Variants in PACC1 observed in about 807,000 individuals in gnomAD.
PACC1 encodes proton activated chloride channel 1.
In PACC1, 34 loss-of-function variants were observed where a neutral mutation model predicts 39.7. The observed-to-expected ratio is 0.86, with a 90% CI of 0.65 to 1.14. PACC1 has a LOEUF of 1.14. Ranked by LOEUF, PACC1 falls within the 50% of genes most tolerant of loss-of-function variation. PACC1 has a pLI of 0.00. For synonymous variants in PACC1, 127 were observed against 160.6 expected, an observed-to-expected ratio of 0.79 and a Z score of 1.58; for missense variants, 379 against 436.4, an observed-to-expected ratio of 0.87 and a Z score of 1.17.
chr1:212,370,188 C>A (rs1459682768), intron 7 of PACC1, among the ~76,000 whole-genome samples: 2 of 152,204 alleles, frequency 1.3e-5, no homozygotes, highest in African/African-American at 4.8e-5. Context: ...TTCATCTGGC[C>A]AGGTGCGGAG....
intron 4 of PACC1, among the ~76,000 whole-genome samples, chr1:212,385,042 G>A (rs1477454970): frequency 6.6e-6 from 1 of 152,212 alleles, no homozygotes; most frequent in African/African-American, 2.4e-5. Context: ...GCACTGTCAG[G>A]AATCCCTGAG....
chr1:212,413,939 G>A, intron 1 of PACC1: 1 of 1,535,608 alleles, frequency 6.5e-7, no homozygotes, highest in Non-Finnish European at 8.7e-7. Context: ...GCACGATGGA[G>A]GGGCACAGAA....
chr1:212,413,457 A>AT (rs1191970110), intron 1 of PACC1, among the ~76,000 whole-genome samples: 62 of 152,366 alleles, frequency 4.1e-4, no homozygotes, highest in African/African-American at 1.3e-3. Flanking sequence ...GGACAGACAG[A>AT]AATGCAGACG....
intron 1 of PACC1, among the ~76,000 whole-genome samples, chr1:212,411,656 G>C (rs958661653): frequency 1.3e-5 from 2 of 152,166 alleles, no homozygotes; most frequent in African/African-American, 2.4e-5. Context: ...CAAGCACTTT[G>C]TCAGGTTCAC....
At chr1:212,371,106 A>G (rs1660435227) in intron 7 of PACC1, among the ~76,000 whole-genome samples, 1 of 151,918 alleles carries the variant, frequency 6.6e-6, no homozygotes, top group Non-Finnish European at 1.5e-5. Flanking sequence ...TTGGCTGGGC[A>G]TGGTGGCGGG....
At chr1:212,399,851 CTT>C (rs60857237) in intron 2 of PACC1, among the ~76,000 whole-genome samples, 3 of 149,766 alleles carry the variant, frequency 2.0e-5, no homozygotes, top group East Asian at 2.0e-4. Context: ...ACCTGGAAAA[CTT>C]TTTTTTTTGA....
rs369232270 is a variant in PACC1 at position 212,373,409 on chromosome 1, G to T, written c.891+1784C>A. ...ATTATGAAACTAGAAGAAAACACTG[G>T]GATAATGCTTTAGGACACTGGTCTG... On this transcript the variant is annotated intron_variant, in intron 7 of 7. Coordinates refer to ENST00000261455, the MANE Select transcript of PACC1 (RefSeq NM_018252.3). Among the ~76,000 whole-genome samples, 63 of 152,060 alleles carry T rather than the reference G, an allele frequency of 4.1e-4. 1 individual carries two copies. The East Asian group carries it at 9.9e-3, about 24-fold the overall frequency.
At chr1:212,408,884 C>T (rs1019419830) in intron 2 of PACC1, among the ~76,000 whole-genome samples, 2 of 152,184 alleles carry the variant, frequency 1.3e-5, no homozygotes. Context: ...CAGGGGTCCC[C>T]AACCCCCAGG....
chr1:212,373,627 T>C (rs1660539191), intron 7 of PACC1, among the ~76,000 whole-genome samples: 1 of 152,046 alleles, frequency 6.6e-6, no homozygotes. Context: ...CCAGAATATA[T>C]AAGGAACTCA....
chr1:212,405,270 TC>T (rs1278998421), intron 2 of PACC1, among the ~76,000 whole-genome samples: 1 of 152,116 alleles, frequency 6.6e-6, no homozygotes, highest in African/African-American at 2.4e-5. Context: ...GAGTCATACT[TC>T]CATACTACAC....
intron 5 of PACC1, among the ~76,000 whole-genome samples, chr1:212,379,490 C>G (rs141323610): frequency 5.3e-5 from 8 of 152,178 alleles, no homozygotes; most frequent in Non-Finnish European, 8.8e-5. Flanking sequence ...GGCAAACATA[C>G]ATTAAGCCCG....
intron 7 of PACC1, among the ~76,000 whole-genome samples, chr1:212,371,718 CA>C (rs1660466778): frequency 2.6e-5 from 4 of 152,054 alleles, no homozygotes; most frequent in Admixed American, 2.6e-4. Flanking sequence ...GACAAAGACA[CA>C]ACAAAAAATG....
At chr1:212,393,939 T>C (rs1257645808) in intron 2 of PACC1, among the ~76,000 whole-genome samples, 1 of 151,868 alleles carries the variant, frequency 6.6e-6, no homozygotes. Context: ...ATTGAGGCAA[T>C]AATTAATAGC....
At chr1:212,395,006 A>T (rs979580970) in intron 2 of PACC1, among the ~76,000 whole-genome samples, 9 of 152,234 alleles carry the variant, frequency 5.9e-5, no homozygotes, top group Non-Finnish European at 1.3e-4. Context: ...ACATGGCCAT[A>T]CTGCCCAAGG....
chr1:212,394,897 T>C (rs2102517141), intron 2 of PACC1, among the ~76,000 whole-genome samples: 1 of 152,222 alleles, frequency 6.6e-6, no homozygotes, highest in African/African-American at 2.4e-5. Context: ...AAGGACCTCT[T>C]CAAGGAGAAC....
intron 6 of PACC1, among the ~76,000 whole-genome samples, chr1:212,376,115 T>G (rs756045732): frequency 7.2e-5 from 11 of 152,080 alleles, no homozygotes; most frequent in Non-Finnish European, 1.5e-4. Context: ...CTTGGTGAGA[T>G]CTGGTTGTCA....
Position 212,365,083 on chromosome 1 carries a change from T to C in PACC1, c.*132A>G. 3.3e-6 allele frequency: 3 copies of C among 900,666 alleles called. No homozygotes were observed. Among genetic ancestry groups the C allele is most frequent in the Middle Eastern group, 2.3e-4 (1 of 4,276 alleles). 55.8% of individuals were successfully genotyped at this position (900,666 alleles called of 1,614,324 possible). On this transcript the variant is annotated 3_prime_UTR_variant, in exon 8 of 8. Transcript: ENST00000261455. ...GGGACGGGGTTAGAAGTTCCAGTTT[T>C]ACATGCTGTTCCTCCCAGCAAGGCC...
At chr1:212,385,244 C>G in intron 4 of PACC1, 30 bp downstream of exon 4, 1 of 1,613,090 alleles carries the variant, frequency 6.2e-7, no homozygotes, top group Non-Finnish European at 8.5e-7. Flanking sequence ...GAGCAGCTGC[C>G]CAGACCCAGC....
chr1:212,371,803 A>G (rs974961824), intron 7 of PACC1, among the ~76,000 whole-genome samples: 2 of 152,190 alleles, frequency 1.3e-5, no homozygotes, highest in African/African-American at 4.8e-5. Context: ...ACCAAATTCA[A>G]TAATACATTA....
Sources: gnomAD v4.1 joint callset for allele counts (sites outside exome capture counted in the v4.1 genomes callset) on GRCh38, gnomAD v4.1.1 for gene constraint, MANE v1.5 for transcripts, NCBI Gene and HGNC (gene_info 2026-07-23, HGNC 2026-07-21) for gene names.